The following NAALADL2 variants were observed in gnomAD, a reference collection of about 807,000 sequenced individuals.
NAALADL2 encodes the protein N-acetylated alpha-linked acidic dipeptidase like 2.
A neutral mutation model predicts 87.2 loss-of-function variants in NAALADL2; 76 were observed. The observed-to-expected ratio is 0.87, with a 90% CI of 0.72 to 1.05. The LOEUF is 1.05. Ranked by LOEUF, NAALADL2 falls within the 50% of genes least tolerant of loss-of-function variation. The probability of loss-of-function intolerance (pLI) is 0.00; values close to 1 mark genes in which losing one functional copy is unlikely to be tolerated. For synonymous variants in NAALADL2, 354 were observed against 331.0 expected (o/e 1.07, Z -0.75); for missense variants, 1,089 against 945.8 (o/e 1.15, Z -1.99).
intron 1 of NAALADL2, among the ~76,000 whole-genome samples, chr3:175,044,146 C>T (rs971575314): frequency 3.3e-5 from 5 of 152,010 alleles, no homozygotes; most frequent in African/African-American, 9.7e-5. Context: ...GCATTATTCT[C>T]TCAATTTCTG....
chr3:174,462,683 A>G (rs1296414018), intron 1 of NAALADL2, among the ~76,000 whole-genome samples: 5 of 152,190 alleles, frequency 3.3e-5, no homozygotes, highest in South Asian at 4.1e-4. Context: ...AATAGCTCTC[A>G]TGGCACTTTC....
intron 2 of NAALADL2, among the ~76,000 whole-genome samples, chr3:174,730,524 C>T (rs554041100): frequency 6.6e-6 from 1 of 152,094 alleles, no homozygotes; most frequent in South Asian, 2.1e-4. Context: ...ATAAAATGTT[C>T]ATATGAATTT....
At chr3:174,642,672 T>C (rs1171146091) in intron 2 of NAALADL2, among the ~76,000 whole-genome samples, 1 of 148,708 alleles carries the variant, frequency 6.7e-6, no homozygotes, top group African/African-American at 2.5e-5. Context: ...CTTGCAGTCT[T>C]GGTTGCTTGT....
chr3:175,805,788 G>A lies in NAALADL2; in HGVS notation c.*2585G>A, dbSNP rs150968750. ...TCTCTGAAGAAAATGTGGTAAAGGT[G>A]TAACGGTGAAATTTATGTTCAGGCA... On this transcript the variant is annotated 3_prime_UTR_variant, in exon 14 of 14. Coordinates refer to ENST00000454872, the MANE Select transcript of NAALADL2 (RefSeq NM_207015.3). The A allele has an allele frequency of 1.7e-4, 26 of 151,998 alleles. No homozygotes were observed. In the East Asian group the frequency reaches 5.0e-3, roughly 29 times the overall value. The allele number at this position is 151,998 out of a possible 1,614,324, so 9.4% of individuals were successfully genotyped here. A position where few individuals can be genotyped will look rare whatever the true frequency, so the allele number is the denominator to read the frequency against.
chr3:175,443,258 C>CA (rs1342420975), intron 5 of NAALADL2, among the ~76,000 whole-genome samples: 1 of 151,910 alleles, frequency 6.6e-6, no homozygotes, highest in Non-Finnish European at 1.5e-5. Context: ...TCATGCAGCA[C>CA]AAAAAAATCA....
At chr3:174,864,969 A>G (rs1457608169) in intron 1 of NAALADL2, among the ~76,000 whole-genome samples, 1 of 152,078 alleles carries the variant, frequency 6.6e-6, no homozygotes, top group Non-Finnish European at 1.5e-5. Context: ...GCTTCAGTTG[A>G]TCCCTTGAGC....
chr3:175,218,949 G>A (rs1464974505), intron 2 of NAALADL2, among the ~76,000 whole-genome samples: 1 of 151,926 alleles, frequency 6.6e-6, no homozygotes, highest in African/African-American at 2.4e-5. Context: ...GGGATTACAG[G>A]TGTGAGCCAC....
At position 175,314,698 on chromosome 3, in the gene NAALADL2, A is replaced by AGT. The variant is rs1287705242; in HGVS notation, c.940-9477_940-9476insGT. Among the ~76,000 whole-genome samples the AGT allele has an allele frequency of 7.2e-5, 7 of 97,822 alleles. No homozygotes were observed. The South Asian group carries it at 1.1e-3, about 15-fold the overall frequency. 64.2% of individuals were successfully genotyped at this position (97,822 alleles called of 152,430 possible). ...TATATATATATATATATATATATAT[A>AGT]TATATATATATATATATATATATAG... On this transcript the variant is annotated intron_variant, in intron 4 of 13. Coordinates refer to ENST00000454872, the MANE Select transcript of NAALADL2 (RefSeq NM_207015.3).
intron 5 of NAALADL2, among the ~76,000 whole-genome samples, chr3:175,379,589 A>G (rs1376071844): frequency 6.7e-6 from 1 of 150,326 alleles, no homozygotes; most frequent in Non-Finnish European, 1.5e-5. Context: ...ACTGGAGTGC[A>G]GTGGTACAGT....
intron 2 of NAALADL2, among the ~76,000 whole-genome samples, chr3:174,574,883 T>G (rs910979648): frequency 6.6e-6 from 1 of 152,118 alleles, no homozygotes; most frequent in Non-Finnish European, 1.5e-5. Context: ...CTGATACAAT[T>G]TATAAAAGCA....
intron 5 of NAALADL2, among the ~76,000 whole-genome samples, chr3:175,375,600 T>C (rs1451255074): frequency 1.3e-5 from 2 of 152,200 alleles, no homozygotes; most frequent in African/African-American, 2.4e-5. Context: ...CTTGAAGCTT[T>C]GTCTGATATT....
intron 1 of NAALADL2, among the ~76,000 whole-genome samples, chr3:175,014,930 A>G (rs1190290248): frequency 1.3e-5 from 2 of 151,840 alleles, no homozygotes; most frequent in East Asian, 1.9e-4. Flanking sequence ...TGCTTTTCAC[A>G]TATGGCTTAG....
chr3:174,793,687 G>A (rs1578954778), intron 3 of NAALADL2, among the ~76,000 whole-genome samples: 1 of 152,050 alleles, frequency 6.6e-6, no homozygotes, highest in South Asian at 2.1e-4. Context: ...TTAAAAATCC[G>A]TGATCTTATA....
intron 1 of NAALADL2, among the ~76,000 whole-genome samples, chr3:175,056,379 C>G (rs1712172558): frequency 6.6e-6 from 1 of 152,136 alleles, no homozygotes; most frequent in South Asian, 2.1e-4. Context: ...TCTGAGCTCC[C>G]CTTCTTACTC....
chr3:175,752,917 T>A (rs1178902131), intron 12 of NAALADL2, among the ~76,000 whole-genome samples: 2 of 152,188 alleles, frequency 1.3e-5, no homozygotes, highest in Non-Finnish European at 2.9e-5. Flanking sequence ...TGTATCCATC[T>A]TATTGTTTCC....
intron 1 of NAALADL2, among the ~76,000 whole-genome samples, chr3:174,895,202 A>G (rs1731355542): frequency 6.6e-6 from 1 of 152,130 alleles, no homozygotes; most frequent in Admixed American, 6.6e-5. Context: ...AAATGGAATT[A>G]AAATGAAATA....
Position 175,444,176 on chromosome 3 carries a change from T to C in NAALADL2, c.1091-3053T>C, listed in dbSNP as rs147940309. On this transcript the variant is annotated intron_variant, in intron 5 of 13. Transcript: ENST00000454872. ...GTTTGGTGTTTGAACTGGGGAGAGA[T>C]ACAATCATACAGCATCTTAAGAAGT... Among the ~76,000 whole-genome samples the C allele has an allele frequency of 1.4e-3, 217 of 152,256 alleles. 2 individuals carry two copies. Among genetic ancestry groups the C allele is most frequent in the African/African-American group, 4.7e-3 (195 of 41,564 alleles).
intron 2 of NAALADL2, among the ~76,000 whole-genome samples, chr3:174,621,714 A>C (rs888290689): frequency 1.3e-5 from 2 of 152,184 alleles, no homozygotes; most frequent in African/African-American, 4.8e-5. Flanking sequence ...ACTAGAAAAG[A>C]ACGTTGCAGG....
intron 13 of NAALADL2, among the ~76,000 whole-genome samples, chr3:175,793,634 C>G (rs901598204): frequency 8.6e-5 from 13 of 151,932 alleles, no homozygotes; most frequent in African/African-American, 3.1e-4. Flanking sequence ...ATTTTCTAAC[C>G]ATCTAATATA....
Sources: gnomAD v4.1 joint callset for allele counts (sites outside exome capture counted in the v4.1 genomes callset) on GRCh38, gnomAD v4.1.1 for gene constraint, MANE v1.5 for transcripts, NCBI Gene and HGNC (gene_info 2026-07-23, HGNC 2026-07-21) for gene names.